PDE8A: variants seen among roughly 807,000 people sequenced by gnomAD.
PDE8A encodes phosphodiesterase 8A.
In PDE8A, 59 loss-of-function variants were observed where a neutral mutation model predicts 105.0. The ratio of observed to expected loss-of-function variants is 0.56; its 90% confidence interval spans 0.46 to 0.70. The LOEUF (loss-of-function observed/expected upper bound fraction) is 0.70. Among genes scored for constraint, PDE8A ranks in the 30% least tolerant of loss-of-function variants. The pLI is 0.00. For missense variants in PDE8A, 1,014 were observed against 1,045.9 expected (o/e 0.97, Z 0.42); for synonymous variants, 355 against 371.9 (o/e 0.95, Z 0.52).
At chr15:85,055,338 G>A (rs1468433730) in intron 1 of PDE8A, among the ~76,000 whole-genome samples, 2 of 152,310 alleles carry the variant, frequency 1.3e-5, no homozygotes, top group African/African-American at 2.4e-5. Flanking sequence ...GCTTGGTGCA[G>A]AGCTGAGTTC....
At chr15:85,013,200 T>G (rs1327932710) in intron 1 of PDE8A, among the ~76,000 whole-genome samples, 1 of 152,236 alleles carries the variant, frequency 6.6e-6, no homozygotes, top group Non-Finnish European at 1.5e-5. Context: ...TTCACAGATT[T>G]GGACCTTAGC....
intron 17 of PDE8A, chr15:85,120,414 T>C (rs1390834704): frequency 6.5e-6 from 1 of 154,544 alleles, no homozygotes; most frequent in African/African-American, 2.4e-5. Flanking sequence ...TCCCAGTTAA[T>C]GTAAGTGGTG....
intron 8 of PDE8A, chr15:85,097,688 ACCCCTCTTGT>A (rs1216041160): frequency 2.6e-6 from 1 of 382,510 alleles, no homozygotes. Context: ...GGGGTCCAGG[ACCCCTCTTGT>A]CTGCAGATGG....
chr15:85,136,633 T>C lies in PDE8A; in HGVS notation c.2353T>C (p.Phe785Leu). 6.2e-7 allele frequency: 1 copy of C among 1,613,872 alleles called. No individual in the cohort carries two copies. The highest frequency in any genetic ancestry group is 8.5e-7 in the Non-Finnish European group (1 of 1,179,876). ...ATCCCAAATCTCTTTCATTGATTAC[T>C]TCATCACAGACATGTTTGATGCTTG... is the stretch of plus-strand genomic sequence containing the variant. ...PKSQISFIDYFITDMFDAWDA... is the reference protein window; with the variant it reads ...PKSQISFIDYLITDMFDAWDA... Residue 785 changes from phenylalanine to leucine, a missense_variant, in exon 21 of 22, where the codon TTC becomes CTC. Coordinates refer to ENST00000394553, the MANE Select transcript of PDE8A (RefSeq NM_002605.3).
At position 85,035,184 on chromosome 15, in the gene PDE8A, C is replaced by A. The variant is rs149438630; in HGVS notation, c.187-29186C>A. 2.3e-3 allele frequency among the ~76,000 whole-genome samples: 339 copies of A among 147,236 alleles called. 2 individuals are homozygous for A. Among genetic ancestry groups the A allele is most frequent in the African/African-American group, 5.8e-3 (234 of 40,304 alleles). On this transcript the variant is annotated intron_variant, in intron 1 of 21. Transcript: ENST00000394553. Reference sequence around the variant, plus strand: ...GGGGTCAGCAGGAGCAGGACCTCACCTCTGGGTATTTCCTTTTTTTTTTTT... The same window carrying A: ...GGGGTCAGCAGGAGCAGGACCTCACATCTGGGTATTTCCTTTTTTTTTTTT...
intron 1 of PDE8A, among the ~76,000 whole-genome samples, chr15:85,038,579 A>G (rs2080748521): frequency 6.6e-6 from 1 of 152,204 alleles, no homozygotes; most frequent in Non-Finnish European, 1.5e-5. Flanking sequence ...GGGAGAAAAG[A>G]TTTGCAAATC....
At chr15:85,115,383 A>G (rs1230949423) in intron 14 of PDE8A, 56 bp from the exon 15 acceptor site, 63 of 1,204,882 alleles carry the variant, frequency 5.2e-5, no homozygotes, top group Non-Finnish European at 7.3e-5. Context: ...TGGAGTTTCC[A>G]GGAAGGAAAG....
At chr15:85,062,382 T>G (rs1252181221) in intron 1 of PDE8A, 1 of 152,210 alleles carries the variant, frequency 6.6e-6, no homozygotes, top group Non-Finnish European at 1.5e-5. Context: ...CACTTTCTAG[T>G]TTTCCCTGTA....
At chr15:85,086,773 T>C (rs1242517890) in intron 6 of PDE8A, among the ~76,000 whole-genome samples, 2 of 152,066 alleles carry the variant, frequency 1.3e-5, no homozygotes, top group African/African-American at 4.8e-5. Context: ...TTTTTTGAGA[T>C]AGAGTCTCAC....
intron 5 of PDE8A, among the ~76,000 whole-genome samples, chr15:85,078,423 G>T (rs1229499009): frequency 2.0e-5 from 3 of 151,816 alleles, no homozygotes; most frequent in Admixed American, 2.0e-4. Flanking sequence ...GTGCACACCT[G>T]TAATCCCAGC....
Position 85,121,151 on chromosome 15 carries a change from A to C in PDE8A, c.1952+137A>C, listed in dbSNP as rs535754981. On this transcript the variant is annotated intron_variant, in intron 18 of 21. Transcript: ENST00000394553. Reference sequence around the variant, plus strand: ...TACAGTGGGCCGGACATAGTGGCTCATGCCTATAATCCCAGCACTTTGGGA... The same window carrying C: ...TACAGTGGGCCGGACATAGTGGCTCCTGCCTATAATCCCAGCACTTTGGGA... 3.0e-5 allele frequency: 18 copies of C among 602,326 alleles called. No individual in the cohort carries two copies. In the South Asian group the frequency reaches 4.1e-4, roughly 14 times the overall value. 37.3% of individuals were successfully genotyped at this position (602,326 alleles called of 1,614,324 possible).
In PDE8A at chr15:85,064,294, C is replaced by G. The variant is rs927850526; in HGVS notation, c.187-76C>G. ...AGAAATTTTGCTTTCATTTTTGGCA[C>G]TGTTTAGAGAGAGAAAAAGTTAAGC... is the stretch of plus-strand genomic sequence containing the variant. On this transcript the variant is annotated intron_variant, in intron 1 of 21. Transcript: ENST00000394553. 3 of 1,065,126 alleles carry G rather than the reference C, an allele frequency of 2.8e-6. No homozygotes were observed. The East Asian group carries it at 7.2e-5, about 26-fold the overall frequency. 66.0% of individuals were successfully genotyped at this position (1,065,126 alleles called of 1,614,324 possible). A position where few individuals can be genotyped will look rare whatever the true frequency, so the allele number is the denominator to read the frequency against.
At chr15:85,054,254 A>T (rs935338714) in intron 1 of PDE8A, among the ~76,000 whole-genome samples, 4 of 152,208 alleles carry the variant, frequency 2.6e-5, no homozygotes, top group Non-Finnish European at 5.9e-5. Context: ...ATCGATGTTC[A>T]TCAGGGATAT....
At chr15:85,085,789 C>T (rs2081543146) in intron 6 of PDE8A, among the ~76,000 whole-genome samples, 1 of 151,826 alleles carries the variant, frequency 6.6e-6, no homozygotes, top group Admixed American at 6.6e-5. Context: ...TGGTGGATCA[C>T]CTGAGGTCAG....
chr15:85,023,966 C>T (rs2080470651), intron 1 of PDE8A, among the ~76,000 whole-genome samples: 1 of 152,112 alleles, frequency 6.6e-6, no homozygotes, highest in Non-Finnish European at 1.5e-5. Flanking sequence ...TGGCTGTCCA[C>T]AGCCTCCAAA....
At position 85,135,597 on chromosome 15, in the gene PDE8A, A is replaced by G. The variant is rs187765252; in HGVS notation, c.2254-937A>G. 5.9e-5 allele frequency among the ~76,000 whole-genome samples: 9 copies of G among 152,272 alleles called. No homozygotes were observed. In the East Asian group the frequency reaches 1.7e-3, roughly 29 times the overall value. On this transcript the variant is annotated intron_variant, in intron 20 of 21. Transcript: ENST00000394553. Reference sequence around the variant, plus strand: ...CCCAGCACAGGCGCCCTGGCACAGCAGGGATCTTGCAGCGATTCCGGTTGC... The same window carrying G: ...CCCAGCACAGGCGCCCTGGCACAGCGGGGATCTTGCAGCGATTCCGGTTGC...
intron 3 of PDE8A, among the ~76,000 whole-genome samples, chr15:85,074,705 G>A (rs573685807): frequency 5.9e-5 from 9 of 152,350 alleles, no homozygotes; most frequent in African/African-American, 1.7e-4. Flanking sequence ...CGTGCATGAT[G>A]AATCTCTTAC....
Position 85,128,052 on chromosome 15 carries a change from C to CAA in PDE8A, c.2253+1698_2253+1699dup, listed in dbSNP as rs61221393. On this transcript the variant is annotated intron_variant, in intron 20 of 21. Transcript: ENST00000394553. ...GTTAGGATAATTGGATATTCCTATG[C>CAA]AAAAAAAAAAAAAAAAAAAAAGAAC... Among the ~76,000 whole-genome samples the CAA allele has an allele frequency of 4.2e-3, 240 of 56,996 alleles. 5 individuals are homozygous for CAA. Among genetic ancestry groups the CAA allele is most frequent in the African/African-American group, 7.7e-3 (147 of 18,972 alleles). The allele number at this position is 56,996 out of a possible 152,430, so 37.4% of individuals were successfully genotyped here.
intron 1 of PDE8A, among the ~76,000 whole-genome samples, chr15:85,039,572 C>T (rs1003621823): frequency 6.6e-6 from 1 of 151,926 alleles, no homozygotes; most frequent in African/African-American, 2.4e-5. Flanking sequence ...TAAAAATAGA[C>T]TTAGCATGCC....
Sources: gnomAD v4.1 joint callset for allele counts (sites outside exome capture counted in the v4.1 genomes callset) on GRCh38, gnomAD v4.1.1 for gene constraint, MANE v1.5 for transcripts, NCBI Gene and HGNC (gene_info 2026-07-23, HGNC 2026-07-21) for gene names.